CHEK2: variants seen among roughly 807,000 people sequenced by gnomAD.
CHEK2 encodes the protein checkpoint kinase 2.
CHEK2 carries 71 observed loss-of-function variants against 69.1 expected under a neutral mutation model. The ratio of observed to expected loss-of-function variants is 1.03; its 90% CI spans 0.85 to 1.25. The LOEUF (loss-of-function observed/expected upper bound fraction) is 1.25, where lower values mean the gene tolerates loss of function less well. CHEK2 is among the 50% of genes most tolerant of loss of function. CHEK2 has a pLI of 0.00. For synonymous variants in CHEK2, 189 were observed against 226.9 expected, an observed-to-expected ratio of 0.83 and a Z score of 1.50; for missense variants, 664 against 649.6, an observed-to-expected ratio of 1.02 and a Z score of -0.24.
chr22:28,740,408 A>G (rs2054522436), intron 1 of CHEK2, among the ~76,000 whole-genome samples: 1 of 152,188 alleles, frequency 6.6e-6, no homozygotes, highest in Non-Finnish European at 1.5e-5. Flanking sequence ...CTTCCTTACA[A>G]GACACTGACA....
In CHEK2 at chr22:28,728,898, A is replaced by G. The variant is rs150155878; in HGVS notation, c.320-3531T>C. ...ACTCAGGAGGCTGAGGTAGGAGTTG[A>G]GCCTGGGAGGTCAAGCCTGCAGTGA... On this transcript the variant is annotated intron_variant, in intron 2 of 14. Transcript: ENST00000404276. Among the ~76,000 whole-genome samples the G allele has an allele frequency of 7.4e-3, 1,129 of 151,984 alleles. 16 individuals carry two copies. Among genetic ancestry groups the G allele is most frequent in the African/African-American group, 0.026 (1,088 of 41,458 alleles).
chr22:28,720,373 T>C (rs1012868560), intron 4 of CHEK2, among the ~76,000 whole-genome samples: 1 of 151,250 alleles, frequency 6.6e-6, no homozygotes, highest in African/African-American at 2.4e-5. Flanking sequence ...TTACAGGAGT[T>C]AGCCAATGTG....
intron 2 of CHEK2, among the ~76,000 whole-genome samples, chr22:28,732,002 C>T (rs558118350): frequency 3.3e-5 from 5 of 152,314 alleles, no homozygotes; most frequent in East Asian, 3.9e-4. Context: ...ACTGCAGTAG[C>T]GCAATCTCAG....
At chr22:28,729,558 AAAAAAAAG>A (rs1569163930) in intron 2 of CHEK2, among the ~76,000 whole-genome samples, 2 of 145,386 alleles carry the variant, frequency 1.4e-5, no homozygotes, top group African/African-American at 2.6e-5. Flanking sequence ...AAAAAAAAAA[AAAAAAAAG>A]AATTAACCCA....
intron 5 of CHEK2, among the ~76,000 whole-genome samples, chr22:28,714,397 A>ATTTGTTTTGT (rs750180669): frequency 6.6e-6 from 1 of 151,806 alleles, no homozygotes; most frequent in Non-Finnish European, 1.5e-5. Flanking sequence ...CCCTTTGCCC[A>ATTTGTTTTGT]TTTGTTTTGT....
At chr22:28,716,939 C>T (rs943592731) in intron 5 of CHEK2, among the ~76,000 whole-genome samples, 17 of 152,158 alleles carry the variant, frequency 1.1e-4, no homozygotes, top group African/African-American at 4.1e-4. Context: ...CACTACGTGG[C>T]GTGTGACAAC....
At chr22:28,730,797 G>A (rs1208819039) in intron 2 of CHEK2, among the ~76,000 whole-genome samples, 2 of 152,160 alleles carry the variant, frequency 1.3e-5, no homozygotes, top group African/African-American at 4.8e-5. Context: ...GGAGGAGGTT[G>A]CGGTGAGCCG....
intron 6 of CHEK2, among the ~76,000 whole-genome samples, chr22:28,711,413 A>G (rs949534759): frequency 2.0e-5 from 3 of 152,208 alleles, no homozygotes; most frequent in African/African-American, 4.8e-5. Flanking sequence ...CTCAGTCATC[A>G]AAAAGGATGT....
rs1191971477 is a variant in CHEK2, at chr22:28,688,748, CA to C, written c.1542+386del. On this transcript the variant is annotated intron_variant, in intron 14 of 14. Coordinates refer to ENST00000404276, the MANE Select transcript of CHEK2 (RefSeq NM_007194.4). The stretch of plus-strand genomic sequence containing the variant: ...AACAACAACAACAACAACAAAAAAG[CA>C]GGACTGGAATTAACTTATACTCACA... Among the ~76,000 whole-genome samples the C allele has an allele frequency of 2.9e-5, 4 of 135,742 alleles. 1 individual carries two copies. In the Admixed American group the frequency reaches 3.0e-4, roughly 10 times the overall value. 89.1% of individuals were successfully genotyped at this position (135,742 alleles called of 152,430 possible). A position where few individuals can be genotyped will look rare whatever the true frequency, so the allele number is the denominator to read the frequency against.
intron 9 of CHEK2, 24 bp from the exon 10 acceptor site, chr22:28,697,011 C>T (rs1394994881): frequency 6.9e-7 from 1 of 1,458,896 alleles, no homozygotes; most frequent in East Asian, 2.3e-5. Context: ...CAGGCATGAC[C>T]CTCAGATTCA....
At chr22:28,710,741 G>T (rs2053363705) in intron 6 of CHEK2, among the ~76,000 whole-genome samples, 1 of 152,196 alleles carries the variant, frequency 6.6e-6, no homozygotes, top group Non-Finnish European at 1.5e-5. Flanking sequence ...TATGTAAAAT[G>T]AACTTCAGCT....
At chr22:28,696,291 G>A (rs1434274308) in intron 10 of CHEK2, among the ~76,000 whole-genome samples, 3 of 152,164 alleles carry the variant, frequency 2.0e-5, no homozygotes, top group African/African-American at 4.8e-5. Flanking sequence ...GGTAAAGCCT[G>A]GGTGTCATAA....
At chr22:28,720,946 G>A (rs2053752970) in intron 4 of CHEK2, among the ~76,000 whole-genome samples, 2 of 152,162 alleles carry the variant, frequency 1.3e-5, no homozygotes, top group South Asian at 2.1e-4. Context: ...GGAGAAGTGG[G>A]GAGAGAAAAC....
At chr22:28,726,824 CA>C (rs2054028516) in intron 2 of CHEK2, among the ~76,000 whole-genome samples, 1 of 144,906 alleles carries the variant, frequency 6.9e-6, no homozygotes, top group Non-Finnish European at 1.5e-5. Context: ...TGGCGTCTGC[CA>C]CCATTCCAGC....
At chr22:28,732,197 T>C (rs1267093613) in intron 2 of CHEK2, among the ~76,000 whole-genome samples, 1 of 152,034 alleles carries the variant, frequency 6.6e-6, no homozygotes, top group East Asian at 1.9e-4. Flanking sequence ...CTGCAACCTC[T>C]GCCTCCCAGG....
chr22:28,730,348 A>C, intron 2 of CHEK2: 1 of 474,506 alleles, frequency 2.1e-6, no homozygotes, highest in Non-Finnish European at 3.8e-6. Context: ...GAAAAAAGAA[A>C]GGGGAAAGGG....
At chr22:28,735,295 A>C (rs1199944334) in intron 1 of CHEK2, among the ~76,000 whole-genome samples, 2 of 151,814 alleles carry the variant, frequency 1.3e-5, no homozygotes, top group Non-Finnish European at 2.9e-5. Context: ...ATTCTCAGCT[A>C]CTCGGGAGGC....
chr22:28,704,303 TTTTC>T (rs935678924), intron 7 of CHEK2, among the ~76,000 whole-genome samples: 3 of 151,568 alleles, frequency 2.0e-5, no homozygotes, highest in Admixed American at 6.6e-5. Flanking sequence ...TTTTTTTAAT[TTTTC>T]TTTCTTTTTT....
intron 1 of CHEK2, among the ~76,000 whole-genome samples, chr22:28,739,045 A>C: frequency 6.6e-6 from 1 of 151,688 alleles, no homozygotes; most frequent in Middle Eastern, 3.4e-3. Flanking sequence ...AAGGTGGGTG[A>C]ATCATCTGAG....
Sources: allele counts gnomAD v4.1 joint callset (sites outside exome capture counted in the v4.1 genomes callset), GRCh38; gene constraint gnomAD v4.1.1; transcripts MANE v1.5; gene names NCBI Gene and HGNC (gene_info 2026-07-23, HGNC 2026-07-21).